The following RSF1 variants were observed in gnomAD, a reference collection of about 807,000 sequenced individuals.
RSF1 encodes HBV pX-associated protein 8.
A neutral mutation model predicts 145.2 loss-of-function variants in RSF1; 13 were observed. The observed-to-expected ratio is 0.09, with a 90% CI of 0.06 to 0.14. The LOEUF (loss-of-function observed/expected upper bound fraction) is 0.14. Ranked by LOEUF, RSF1 falls within the 10% of genes least tolerant of loss-of-function variation. The pLI, the probability that RSF1 is intolerant of heterozygous loss-of-function variation, is 1.00. For missense variants in RSF1, 1,517 were observed against 1,718.2 expected (o/e 0.88, Z 2.07); for synonymous variants, 577 against 592.6 (o/e 0.97, Z 0.38).
chr11:77,672,511 T>C (rs1959582467), intron 14 of RSF1, among the ~76,000 whole-genome samples: 2 of 151,504 alleles, frequency 1.3e-5, no homozygotes, highest in African/African-American at 2.4e-5. Flanking sequence ...CACAGGCATA[T>C]GCACTACCAC....
rs141788361 is a variant in RSF1 at position 77,701,149 on chromosome 11, G to T, written c.2080C>A (p.Pro694Thr). Residue 694 changes from proline to threonine, a missense_variant, in exon 6 of 16, where the codon CCT becomes ACT. Pro to Thr is a conservative substitution (Grantham distance 38). This residue lies in a region of RSF1 where 579 missense variants were observed against 553.5 expected (regional missense o/e 1.05). Transcript: ENST00000308488. ...TGCATAGAACCCTTTGTCTCAGAAG[G>T]CTCCTCTATGCCAGAGGTCTGGGCA... ...DNAQTSGIEE[P>T]SETKGSMQKS... The T allele has an allele frequency of 2.5e-6, 4 of 1,614,014 alleles. No homozygotes were observed. In the African/African-American group the frequency reaches 4.0e-5, roughly 16 times the overall value.
At chr11:77,741,033 T>A in intron 3 of RSF1, 97 bp from the exon 4 acceptor site, 1 of 874,310 alleles carries the variant, frequency 1.1e-6, no homozygotes, top group Non-Finnish European at 1.8e-6. Flanking sequence ...GGGAAAGCAG[T>A]GGACAGAACA....
chr11:77,869,717 T>A, the RSF1 span: 5 of 1,613,478 alleles, frequency 3.1e-6, no homozygotes, highest in Non-Finnish European at 4.2e-6. Context: ...TCTTTCCACA[T>A]CCAGCATTCT....
At position 77,699,979 on chromosome 11, in the gene RSF1, TCA is replaced by T. The variant is rs1318587995; in HGVS notation, c.2508+740_2508+741del. Among the ~76,000 whole-genome samples, 6 of 152,026 alleles carry T rather than the reference TCA, an allele frequency of 3.9e-5. No individual in the cohort carries two copies. In the East Asian group the frequency reaches 1.2e-3, roughly 29 times the overall value. ...TTCAGAGACACTTTAAGTGAAAAAC[TCA>T]CAGAAAAATGAACATATTTGATCCA... On this transcript the variant is annotated intron_variant, in intron 6 of 15. Coordinates refer to ENST00000308488, the MANE Select transcript of RSF1 (RefSeq NM_016578.4).
chr11:77,801,727 C>A (rs775507017), intron 1 of RSF1, among the ~76,000 whole-genome samples: 1 of 152,096 alleles, frequency 6.6e-6, no homozygotes, highest in Non-Finnish European at 1.5e-5. Flanking sequence ...AGAATGAGAA[C>A]TGGTCACCAG....
upstream of RSF1, among the ~76,000 whole-genome samples, chr11:77,823,125 G>A (rs1288170363): frequency 7.0e-6 from 1 of 143,694 alleles, no homozygotes; most frequent in Non-Finnish European, 1.5e-5. Flanking sequence ...TGAGGCAGGA[G>A]AATGGCATGG....
chr11:77,841,112 A>G, the RSF1 span: 1 of 678,174 alleles, frequency 1.5e-6, no homozygotes, highest in Non-Finnish European at 2.7e-6. Flanking sequence ...CACATGGTGG[A>G]AGCACCAAGA....
chr11:77,793,243 G>A (rs1020134288), intron 1 of RSF1, among the ~76,000 whole-genome samples: 2 of 152,178 alleles, frequency 1.3e-5, no homozygotes, highest in Non-Finnish European at 2.9e-5. Flanking sequence ...ACTTTAAGAG[G>A]CCAAGGTGAG....
intron 4 of RSF1, chr11:77,734,896 C>A: frequency 1.3e-6 from 2 of 1,580,392 alleles, no homozygotes; most frequent in Non-Finnish European, 1.7e-6. Flanking sequence ...CACATCATCA[C>A]GGTCAAAGCA....
chr11:77,754,112 A>G (rs898057046), intron 2 of RSF1, among the ~76,000 whole-genome samples: 3 of 152,232 alleles, frequency 2.0e-5, no homozygotes, highest in African/African-American at 4.8e-5. Context: ...CAGCTGCTCT[A>G]CATGGGCAGG....
chr11:77,715,797 G>T (rs1004337777), intron 5 of RSF1, among the ~76,000 whole-genome samples: 7 of 152,004 alleles, frequency 4.6e-5, no homozygotes, highest in African/African-American at 1.7e-4. Context: ...CCTTTTTTGA[G>T]ACAGGGTTTC....
At chr11:77,685,600 TAGCTA>T (rs1959982722) in intron 9 of RSF1, among the ~76,000 whole-genome samples, 2 of 152,226 alleles carry the variant, frequency 1.3e-5, no homozygotes, top group Non-Finnish European at 2.9e-5. Context: ...TGGCCCATGT[TAGCTA>T]TTAAGTATAA....
At chr11:77,856,377 T>C in the RSF1 span, among the ~76,000 whole-genome samples, 336 of 152,350 alleles carry the variant, frequency 2.2e-3, 2 homozygotes, top group African/African-American at 7.9e-3. Flanking sequence ...TGCCCTCATC[T>C]TCCTTTCTTC....
the RSF1 span, chr11:77,830,234 A>G: frequency 6.6e-6 from 1 of 152,216 alleles, no homozygotes; most frequent in Non-Finnish European, 1.5e-5. Flanking sequence ...TTGGGAGCTC[A>G]AAAGGCCAAA....
chr11:77,773,106 T>G (rs1216269681), intron 1 of RSF1, among the ~76,000 whole-genome samples: 1 of 152,132 alleles, frequency 6.6e-6, no homozygotes, highest in African/African-American at 2.4e-5. Flanking sequence ...AACAGAAAAA[T>G]TATTAATACT....
intron 5 of RSF1, among the ~76,000 whole-genome samples, chr11:77,724,552 A>T (rs1961007851): frequency 6.6e-6 from 1 of 152,182 alleles, no homozygotes; most frequent in South Asian, 2.1e-4. Flanking sequence ...ATTATTATTA[A>T]AAGGAAGAAA....
At chr11:77,784,158 T>C (rs1337884536) in intron 1 of RSF1, among the ~76,000 whole-genome samples, 3 of 152,206 alleles carry the variant, frequency 2.0e-5, no homozygotes, top group Non-Finnish European at 4.4e-5. Context: ...CTTGATACTA[T>C]TCCACAGACC....
chr11:77,770,323 G>A (rs1460074854), intron 1 of RSF1, among the ~76,000 whole-genome samples: 1 of 152,128 alleles, frequency 6.6e-6, no homozygotes, highest in Non-Finnish European at 1.5e-5. Flanking sequence ...TTAGCCAGGT[G>A]TGGTGGCGTG....
Position 77,698,501 on chromosome 11 carries a change from T to A in RSF1, c.2701A>T (p.Asn901Tyr). ...CAGGTACATACTAGCTCAGGATGGTTTGGAAGGCCACATTTTTTGCATGGT... is the reference window on the plus strand; with the variant it reads ...CAGGTACATACTAGCTCAGGATGGTATGGAAGGCCACATTTTTTGCATGGT... ...DEPCKKCGLP[N>Y]HPELILLCDS... is the part of the protein sequence containing the mutation. The change falls in exon 7 of 16, where the codon AAC becomes TAC. Residue 901 changes from asparagine (N) to tyrosine (Y), a missense_variant. By Grantham distance (143) the Asn-to-Tyr change is moderately radical. This residue lies in a region of RSF1 where 24 missense variants were observed against 32.1 expected (regional missense o/e 0.75). Transcript: ENST00000308488. 2 of 1,614,130 alleles carry A rather than the reference T, an allele frequency of 1.2e-6. No individual in the cohort carries two copies. The highest frequency in any genetic ancestry group is 1.1e-5 in the South Asian group (1 of 91,086).
Sources: gnomAD v4.1 joint callset for allele counts (sites outside exome capture counted in the v4.1 genomes callset) on GRCh38, gnomAD v4.1.1 for gene constraint, gnomAD v4.1.1 regional missense constraint, MANE v1.5 for transcripts, NCBI Gene and HGNC (gene_info 2026-07-23, HGNC 2026-07-21) for gene names.